HCK: variants seen among roughly 807,000 people sequenced by gnomAD.
HCK encodes the protein tyrosine-protein kinase HCK.
A neutral mutation model predicts 70.4 loss-of-function variants in HCK; 40 were observed. The ratio of observed to expected loss-of-function variants is 0.57; its 90% CI spans 0.44 to 0.74. The LOEUF (loss-of-function observed/expected upper bound fraction) is 0.74, where lower values mean the gene tolerates loss of function less well. Ranked by LOEUF, HCK falls within the 30% of genes least tolerant of loss-of-function variation. HCK has a pLI of 0.00. For synonymous variants in HCK, 245 were observed against 263.2 expected, an observed-to-expected ratio of 0.93 and a Z score of 0.67; for missense variants, 568 against 697.2, an observed-to-expected ratio of 0.81 and a Z score of 2.09.
chr20:32,100,468 G>A (rs962415919), intron 12 of HCK, among the ~76,000 whole-genome samples: 1 of 152,058 alleles, frequency 6.6e-6, no homozygotes, highest in African/African-American at 2.4e-5. Flanking sequence ...CTTAGGAGGT[G>A]AGAGAGAGAG....
chr20:32,092,143 C>T (rs1401492259), intron 10 of HCK, among the ~76,000 whole-genome samples: 1 of 152,134 alleles, frequency 6.6e-6, no homozygotes, highest in East Asian at 1.9e-4. Context: ...TCTAGTCAGA[C>T]GCCCTCACTT....
chr20:32,093,818 C>G (rs538401851), intron 10 of HCK, 45 bp from the exon 11 acceptor site: 2 of 1,565,362 alleles, frequency 1.3e-6, no homozygotes, highest in African/African-American at 1.4e-5. Context: ...GCCATCTTGG[C>G]GTAGGCCAGG....
At chr20:32,054,288 A>G (rs1192093765) in intron 1 of HCK, 3 of 456,138 alleles carry the variant, frequency 6.6e-6, no homozygotes, top group Non-Finnish European at 1.3e-5. Flanking sequence ...AAATGTACGC[A>G]TAAACAACAC....
chr20:32,062,929 T>C (rs2045401481), intron 1 of HCK, among the ~76,000 whole-genome samples: 1 of 152,218 alleles, frequency 6.6e-6, no homozygotes, highest in African/African-American at 2.4e-5. Context: ...GGAAAGTTCC[T>C]GTAACTGAAC....
At chr20:32,079,688 G>T in intron 5 of HCK, 86 bp from the exon 6 acceptor site, 1 of 831,064 alleles carries the variant, frequency 1.2e-6, no homozygotes, top group Non-Finnish European at 2.0e-6. Flanking sequence ...ATTCCCCTGG[G>T]ACCTGCATGG....
chr20:32,079,361 C>G (rs1010860548), intron 5 of HCK, among the ~76,000 whole-genome samples: 4 of 152,170 alleles, frequency 2.6e-5, no homozygotes, highest in Non-Finnish European at 5.9e-5. Flanking sequence ...GTGAAACCTG[C>G]AAAAGTAAGA....
Position 32,061,212 on chromosome 20 carries a change from G to A in HCK, c.62+8726G>A, listed in dbSNP as rs185016898. On this transcript the variant is annotated intron_variant, in intron 1 of 12. Transcript: ENST00000375852. ...TTGGCCAGGCTGGTCTTGAACTCCT[G>A]ACCTTGTGATTCGCCCGCCTTGGCC... Among the ~76,000 whole-genome samples the A allele has an allele frequency of 8.1e-3, 1,232 of 152,260 alleles. 8 individuals are homozygous for A. The highest frequency in any genetic ancestry group is 0.013 in the Admixed American group (204 of 15,290).
intron 1 of HCK, among the ~76,000 whole-genome samples, chr20:32,062,501 C>T (rs1194327709): frequency 7.9e-5 from 12 of 152,180 alleles, no homozygotes; most frequent in African/African-American, 2.7e-4. Context: ...TCAGAGCCAG[C>T]CCTATGGCTC....
intron 3 of HCK, 24 bp from the exon 4 acceptor site, chr20:32,073,692 C>A (rs1266781741): frequency 7.3e-6 from 11 of 1,511,228 alleles, no homozygotes; most frequent in Non-Finnish European, 9.9e-6. Context: ...CGAAACCTCA[C>A]CCTCTGTGTG....
intron 1 of HCK, among the ~76,000 whole-genome samples, chr20:32,065,379 A>T (rs2045440422): frequency 6.6e-6 from 1 of 152,190 alleles, no homozygotes; most frequent in African/African-American, 2.4e-5. Flanking sequence ...ACCCAACTCA[A>T]ATTGGCTTAA....
In HCK at chr20:32,052,629, G is replaced by A. The variant is rs535813164; in HGVS notation, c.62+143G>A. ...AGACGGAACGTCGGGGGAGCCGCGG[G>A]TAGCCCGGGGGATGAGGGGTCGACA... On this transcript the variant is annotated intron_variant, in intron 1 of 12. Coordinates refer to ENST00000375852, the MANE Select transcript of HCK (RefSeq NM_002110.5). 1.7e-3 allele frequency: 937 copies of A among 542,526 alleles called. 1 individual carries two copies. The highest frequency in any genetic ancestry group is 2.3e-3 in the Non-Finnish European group (810 of 349,024). 33.6% of individuals were successfully genotyped at this position (542,526 alleles called of 1,614,324 possible). A position where few individuals can be genotyped will look rare whatever the true frequency, so the allele number is the denominator to read the frequency against.
chr20:32,054,253 G>T lies in HCK; in HGVS notation c.62+1767G>T, dbSNP rs1247401430. Reference sequence around the variant, plus strand: ...TCATGAGTTACAGTCCTTCCAGGATGTGCCTCTGAAAATGGATTGCATATA... The same window carrying T: ...TCATGAGTTACAGTCCTTCCAGGATTTGCCTCTGAAAATGGATTGCATATA... On this transcript the variant is annotated intron_variant, in intron 1 of 12. Coordinates refer to ENST00000375852, the MANE Select transcript of HCK (RefSeq NM_002110.5). 6.6e-6 allele frequency: 3 copies of T among 456,340 alleles called. No individual in the cohort carries two copies. The Admixed American group carries it at 7.1e-5, about 11-fold the overall frequency. 28.3% of individuals were successfully genotyped at this position (456,340 alleles called of 1,614,324 possible). A position where few individuals can be genotyped will look rare whatever the true frequency, so the allele number is the denominator to read the frequency against.
At chr20:32,079,454 C>T (rs1291719260) in intron 5 of HCK, among the ~76,000 whole-genome samples, 2 of 152,178 alleles carry the variant, frequency 1.3e-5, no homozygotes, top group Non-Finnish European at 2.9e-5. Context: ...GCGAGCAGCA[C>T]TGAAATGACC....
At chr20:32,098,539 G>A (rs2045988251) in intron 11 of HCK, among the ~76,000 whole-genome samples, 1 of 152,136 alleles carries the variant, frequency 6.6e-6, no homozygotes, top group Non-Finnish European at 1.5e-5. Flanking sequence ...CTAGGTGGGA[G>A]GAAGGGCGGG....
chr20:32,067,835 T>G (rs1041434844), intron 1 of HCK, among the ~76,000 whole-genome samples: 7 of 152,212 alleles, frequency 4.6e-5, no homozygotes, highest in Admixed American at 4.6e-4. Context: ...AAATCCACAC[T>G]GAGATGTGAA....
Position 32,084,043 on chromosome 20 carries a change from A to C in HCK, c.682A>C (p.Lys228Gln), listed in dbSNP as rs764513438. The C allele has an allele frequency of 6.2e-7, 1 of 1,613,266 alleles. No individual in the cohort carries two copies. The highest frequency in any genetic ancestry group is 1.7e-5 in the Admixed American group (1 of 59,958). ...GCAGGAGCTGGTGGACCACTACAAG[A>C]GTGAGTCCCACCCCAGGGGTGACAT... Residue 228 changes from lysine (K) to glutamine (Q), a missense_variant and splice_region_variant, in exon 7 of 13, where the codon AAG (lysine) becomes CAG (glutamine). Physicochemically the swap from Lys to Gln is moderately conservative, Grantham distance 53. Transcript: ENST00000375852.
intron 1 of HCK, among the ~76,000 whole-genome samples, chr20:32,065,626 C>CT (rs1276625655): frequency 6.6e-6 from 1 of 152,126 alleles, no homozygotes; most frequent in African/African-American, 2.4e-5. Context: ...AAAGAGGGTG[C>CT]TTTTTCCCTA....
At position 32,092,421 on chromosome 20, in the gene HCK, C is replaced by T. The variant is rs528256831; in HGVS notation, c.1093-1442C>T. ...GGGCATCTGAGGGTTCATCTTCAAC[C>T]GCTTTTGTCCAAACCCTTGTAAGTA... On this transcript the variant is annotated intron_variant, in intron 10 of 12. Transcript: ENST00000375852. Among the ~76,000 whole-genome samples the T allele has an allele frequency of 3.3e-5, 5 of 152,304 alleles. No homozygotes were observed. In the South Asian group the frequency reaches 6.2e-4, roughly 19 times the overall value.
chr20:32,078,853 T>C (rs2045666163), intron 5 of HCK, among the ~76,000 whole-genome samples: 2 of 36,662 alleles, frequency 5.5e-5, no homozygotes, highest in Non-Finnish European at 8.2e-5. Context: ...CAAGACTCAG[T>C]CTCAAAAAAA....
Sources: allele counts gnomAD v4.1 joint callset (sites outside exome capture counted in the v4.1 genomes callset), GRCh38; gene constraint gnomAD v4.1.1; transcripts MANE v1.5; gene names NCBI Gene and HGNC (gene_info 2026-07-23, HGNC 2026-07-21).